DMD: variants seen among roughly 807,000 people sequenced by gnomAD.
The protein encoded by DMD is mutant dystrophin.
In DMD, 63 loss-of-function variants were observed where a neutral mutation model predicts 330.1. The ratio of observed to expected loss-of-function variants is 0.19; its 90% CI spans 0.16 to 0.24. The LOEUF (loss-of-function observed/expected upper bound fraction) is 0.24, where lower values mean the gene tolerates loss of function less well. Ranked by LOEUF, DMD falls within the 10% of genes least tolerant of loss-of-function variation. The pLI, the probability that DMD is intolerant of heterozygous loss-of-function variation, is 1.00. For synonymous variants in DMD, 1,223 were observed against 959.8 expected (o/e 1.27, Z -5.07); for missense variants, 3,344 against 2,684.1 (o/e 1.25, Z -5.43).
intron 1 of DMD, among the ~76,000 whole-genome samples, chrX:33,076,653 C>A (rs761136673): frequency 8.9e-6 from 1 of 111,817 alleles, no homozygotes; most frequent in Non-Finnish European, 1.9e-5. Context: ...TTAATAAATA[C>A]TATTTACTAG....
chrX:33,180,264 C>G (rs1295589682), intron 1 of DMD, among the ~76,000 whole-genome samples: 2 of 112,177 alleles, frequency 1.8e-5, no homozygotes, highest in Non-Finnish European at 3.8e-5. Flanking sequence ...TAAAGAAAAT[C>G]AAACATGCTT....
At chrX:31,822,653 G>GT (rs1556919106) in intron 49 of DMD, among the ~76,000 whole-genome samples, 2,624 of 65,779 alleles carry the variant, frequency 0.04, 47 homozygotes, top group Non-Finnish European at 0.049. Flanking sequence ...AAGGCAGAGG[G>GT]GTGTGTGTGT....
At chrX:33,077,626 C>A (rs755843192) in intron 1 of DMD, among the ~76,000 whole-genome samples, 87 of 111,553 alleles carry the variant, frequency 7.8e-4, no homozygotes, top group African/African-American at 2.6e-3. Context: ...GCTTGCGTGG[C>A]AGAAACATTA....
intron 1 of DMD, among the ~76,000 whole-genome samples, chrX:33,164,150 A>T (rs1328735883): frequency 2.7e-5 from 3 of 111,887 alleles, no homozygotes; most frequent in Non-Finnish European, 5.6e-5. Flanking sequence ...AATTAATCGA[A>T]TTTGATATGA....
chrX:32,276,473 A>G (rs1383848067), intron 43 of DMD, among the ~76,000 whole-genome samples: 1 of 111,942 alleles, frequency 8.9e-6, no homozygotes, highest in East Asian at 2.8e-4. Context: ...GTGACTCCTT[A>G]CTTTTGCTTA....
At chrX:32,740,945 C>T (rs1569503536) in intron 7 of DMD, among the ~76,000 whole-genome samples, 1 of 111,416 alleles carries the variant, frequency 9.0e-6, no homozygotes, top group Non-Finnish European at 1.9e-5. Flanking sequence ...AACTTAAGTT[C>T]TTTTCATTAT....
intron 44 of DMD, among the ~76,000 whole-genome samples, chrX:31,988,399 G>A (rs1040923653): frequency 3.0e-5 from 3 of 98,880 alleles, no homozygotes; most frequent in East Asian, 3.2e-4. Flanking sequence ...GCGTGAACCC[G>A]GGCAGTGGAG....
chrX:32,844,264 G>T (rs1460508285), intron 4 of DMD, among the ~76,000 whole-genome samples: 3 of 109,559 alleles, frequency 2.7e-5, no homozygotes, highest in African/African-American at 1.0e-4. Context: ...AAATTAGCTG[G>T]CCATAGTGGC....
chrX:31,147,959 A>G (rs761928010), intron 74 of DMD, among the ~76,000 whole-genome samples: 10 of 111,804 alleles, frequency 8.9e-5, no homozygotes, highest in Non-Finnish European at 1.7e-4. Flanking sequence ...GAGTAAGTAT[A>G]CCCATGTTCC....
chrX:32,646,701 G>T (rs1433773893), intron 9 of DMD, among the ~76,000 whole-genome samples: 2 of 111,481 alleles, frequency 1.8e-5, no homozygotes, highest in Non-Finnish European at 3.8e-5. Context: ...TCTGATAAAT[G>T]CTCAAATTTT....
rs948096878 is a variant in DMD at position 31,264,495 on chromosome X, T to A, written c.9225-3479A>T. Among the ~76,000 whole-genome samples the A allele has an allele frequency of 2.7e-5, 3 of 112,226 alleles. No individual in the cohort carries two copies. In the Admixed American group the frequency reaches 2.8e-4, roughly 11 times the overall value. ...TTAACACAGAGATCAGCTTCATAAATAATCCTTAAAACGCTCTTTACATCT... is the reference window on the plus strand; with the variant it reads ...TTAACACAGAGATCAGCTTCATAAAAAATCCTTAAAACGCTCTTTACATCT... On this transcript the variant is annotated intron_variant, in intron 62 of 78. Transcript: ENST00000357033.
intron 64 of DMD, among the ~76,000 whole-genome samples, chrX:31,222,392 C>CAAAAAAAA (rs57227723): frequency 3.9e-4 from 8 of 20,601 alleles, no homozygotes; most frequent in Admixed American, 9.1e-4. Context: ...GACTCCATCT[C>CAAAAAAAA]AAAAAAAAAA....
intron 62 of DMD, among the ~76,000 whole-genome samples, chrX:31,282,592 G>C (rs2052707842): frequency 9.0e-6 from 1 of 111,417 alleles, no homozygotes; most frequent in South Asian, 3.7e-4. Flanking sequence ...AATCCAGTAT[G>C]TTTTGGTAAA....
rs767879873 is a variant in DMD at position 32,475,368 on chromosome X, A to T, written c.2804-3059T>A. ...TTTTTGGTTCCATATTAATTTTAGA[A>T]TTTTTTTTCTAATTCTGTGAAGAAT... On this transcript the variant is annotated intron_variant, in intron 21 of 78. Coordinates refer to ENST00000357033, the MANE Select transcript of DMD (RefSeq NM_004006.3). Among the ~76,000 whole-genome samples, 6 of 109,689 alleles carry T rather than the reference A, an allele frequency of 5.5e-5. No individual in the cohort carries two copies. The East Asian group carries it at 1.4e-3, about 26-fold the overall frequency.
intron 2 of DMD, among the ~76,000 whole-genome samples, chrX:32,872,096 C>A (rs2149148173): frequency 9.0e-6 from 1 of 111,537 alleles, no homozygotes; most frequent in East Asian, 2.8e-4. Context: ...GACCAACAGA[C>A]TGAATGATTA....
intron 55 of DMD, among the ~76,000 whole-genome samples, chrX:31,530,622 C>T (rs187889136): frequency 9.9e-6 from 1 of 100,826 alleles, no homozygotes; most frequent in African/African-American, 3.7e-5. Flanking sequence ...TTGGTATATA[C>T]CTAGATAATA....
chrX:32,795,528 G>T (rs2148657290), intron 7 of DMD, among the ~76,000 whole-genome samples: 1 of 111,593 alleles, frequency 9.0e-6, no homozygotes, highest in Non-Finnish European at 1.9e-5. Context: ...GCAAACATAG[G>T]GAAAACAGAC....
chrX:32,670,635 A>T (rs931832599), intron 9 of DMD, among the ~76,000 whole-genome samples: 1 of 112,048 alleles, frequency 8.9e-6, no homozygotes, highest in East Asian at 2.8e-4. Context: ...GATAACATGT[A>T]TATGTGACGA....
At chrX:32,521,785 T>C (rs2148825852) in intron 17 of DMD, among the ~76,000 whole-genome samples, 1 of 112,231 alleles carries the variant, frequency 8.9e-6, no homozygotes, top group Non-Finnish European at 1.9e-5. Flanking sequence ...TCATCTCCGC[T>C]ATGGACTGAA....
Sources: gnomAD v4.1 joint callset for allele counts (sites outside exome capture counted in the v4.1 genomes callset) on GRCh38, gnomAD v4.1.1 for gene constraint, MANE v1.5 for transcripts, NCBI Gene and HGNC (gene_info 2026-07-23, HGNC 2026-07-21) for gene names.